The following KCND2 variants were observed in gnomAD, a reference collection of about 807,000 sequenced individuals.
KCND2 encodes A-type voltage-gated potassium channel KCND2.
Under a neutral mutation model 54.4 loss-of-function variants are expected in KCND2, and 16 were observed. That is an observed-to-expected ratio of 0.29 (90% CI 0.20 to 0.45). KCND2 has a LOEUF of 0.45. KCND2 is among the 20% of genes least tolerant of loss of function. KCND2 has a pLI of 1.00. For synonymous variants in KCND2, 317 were observed against 310.7 expected (o/e 1.02, Z -0.21); for missense variants, 486 against 824.2 (o/e 0.59, Z 5.02).
intron 1 of KCND2, among the ~76,000 whole-genome samples, chr7:120,665,161 A>C (rs1220223312): frequency 6.6e-6 from 1 of 152,118 alleles, no homozygotes; most frequent in African/African-American, 2.4e-5. Flanking sequence ...GCAAACAAGT[A>C]GATATTTAAG....
At chr7:120,463,085 G>T (rs1285158441) in intron 1 of KCND2, among the ~76,000 whole-genome samples, 2 of 152,168 alleles carry the variant, frequency 1.3e-5, no homozygotes, top group Non-Finnish European at 1.5e-5. Context: ...ATAGAGATTG[G>T]TGAAGGTAGC....
At chr7:120,280,633 C>G (rs1270869398) in intron 1 of KCND2, among the ~76,000 whole-genome samples, 1 of 151,964 alleles carries the variant, frequency 6.6e-6, no homozygotes, top group Non-Finnish European at 1.5e-5. Context: ...TACCTGATCT[C>G]TACATTCCTA....
At chr7:120,435,138 G>A (rs1276008311) in intron 1 of KCND2, among the ~76,000 whole-genome samples, 1 of 147,630 alleles carries the variant, frequency 6.8e-6, no homozygotes, top group East Asian at 2.0e-4. Context: ...GTCTCATTCT[G>A]CCACCCAGGC....
chr7:120,743,059 T>C (rs1344965766), intron 4 of KCND2, among the ~76,000 whole-genome samples: 1 of 152,152 alleles, frequency 6.6e-6, no homozygotes, highest in African/African-American at 2.4e-5. Flanking sequence ...ACAACCATAA[T>C]GAATAGAGAT....
At chr7:120,577,521 C>T (rs928269507) in intron 1 of KCND2, among the ~76,000 whole-genome samples, 7 of 151,122 alleles carry the variant, frequency 4.6e-5, no homozygotes, top group Non-Finnish European at 8.8e-5. Context: ...ACTAAGTTAA[C>T]TCTGCCTCCC....
At chr7:120,517,108 CTA>C (rs1400778717) in intron 1 of KCND2, among the ~76,000 whole-genome samples, 2 of 152,060 alleles carry the variant, frequency 1.3e-5, no homozygotes. Flanking sequence ...AAATTATTGA[CTA>C]TGCAATTACT....
At chr7:120,540,926 T>C (rs181582231) in intron 1 of KCND2, among the ~76,000 whole-genome samples, 1 of 152,336 alleles carries the variant, frequency 6.6e-6, no homozygotes, top group African/African-American at 2.4e-5. Flanking sequence ...CTTGATAGTT[T>C]CAGATTGACT....
At chr7:120,464,622 AC>A (rs1429772036) in intron 1 of KCND2, among the ~76,000 whole-genome samples, 2 of 152,218 alleles carry the variant, frequency 1.3e-5, no homozygotes, top group Non-Finnish European at 2.9e-5. Context: ...CAGAAAGCTA[AC>A]AAAAATTTTG....
chr7:120,496,914 C>G (rs702414), intron 1 of KCND2, among the ~76,000 whole-genome samples: 43,836 of 152,064 alleles, frequency 0.29, 8,992 homozygotes, highest in African/African-American at 0.56. Flanking sequence ...GTACTACCTA[C>G]TACAATGGCC....
At chr7:120,498,000 A>G (rs530029226) in intron 1 of KCND2, among the ~76,000 whole-genome samples, 1 of 152,216 alleles carries the variant, frequency 6.6e-6, no homozygotes, top group Non-Finnish European at 1.5e-5. Flanking sequence ...AGAGGAAGCA[A>G]CAAGATCTTA....
rs1793263742 is a variant in KCND2 at position 120,633,456 on chromosome 7, G to A, written c.1116-99447G>A. ...GCATTTAGTGGATGGCCAAGAAAAA[G>A]CAATAAACGTTTGAAAGAAAAAGAC... is the stretch of plus-strand genomic sequence containing the variant. On this transcript the variant is annotated intron_variant, in intron 1 of 5. Coordinates refer to ENST00000331113, the MANE Select transcript of KCND2 (RefSeq NM_012281.3). Among the ~76,000 whole-genome samples the A allele has an allele frequency of 2.0e-5, 3 of 152,176 alleles. No homozygotes were observed. In the South Asian group the frequency reaches 6.2e-4, roughly 32 times the overall value.
At chr7:120,746,842 T>C (rs1330442094) in intron 5 of KCND2, 2 of 152,172 alleles carry the variant, frequency 1.3e-5, no homozygotes, top group Admixed American at 6.6e-5. Context: ...GAAGTCTTTG[T>C]TGAAATCTGG....
At chr7:120,597,074 C>T (rs192191480) in intron 1 of KCND2, among the ~76,000 whole-genome samples, 1 of 152,166 alleles carries the variant, frequency 6.6e-6, no homozygotes, top group African/African-American at 2.4e-5. Context: ...TCCTGGGTTA[C>T]AAAGTGGAGT....
intron 1 of KCND2, among the ~76,000 whole-genome samples, chr7:120,410,155 T>C (rs1022623896): frequency 6.6e-6 from 1 of 151,986 alleles, no homozygotes; most frequent in Non-Finnish European, 1.5e-5. Flanking sequence ...CATCTTTTTT[T>C]ATTAAGCATA....
intron 1 of KCND2, among the ~76,000 whole-genome samples, chr7:120,667,184 A>C (rs1170919450): frequency 6.6e-6 from 1 of 152,020 alleles, no homozygotes; most frequent in Non-Finnish European, 1.5e-5. Flanking sequence ...AAAGGGTTTG[A>C]TTTCTTATTT....
At chr7:120,504,111 C>T (rs1364564433) in intron 1 of KCND2, among the ~76,000 whole-genome samples, 2 of 151,886 alleles carry the variant, frequency 1.3e-5, no homozygotes, top group African/African-American at 4.8e-5. Context: ...AAAGCTACAT[C>T]CCAGTAATTA....
At position 120,558,189 on chromosome 7, in the gene KCND2, G is replaced by A. The variant is rs149960524; in HGVS notation, c.1116-174714G>A. The stretch of plus-strand genomic sequence containing the variant: ...AGCTTGAAAATCAACAACAGGATAC[G>A]CCTCCAACCAATTATGATCTGATTC... On this transcript the variant is annotated intron_variant, in intron 1 of 5. Coordinates refer to ENST00000331113, the MANE Select transcript of KCND2 (RefSeq NM_012281.3). 3.9e-3 allele frequency among the ~76,000 whole-genome samples: 598 copies of A among 152,028 alleles called. 3 individuals are homozygous for A. The highest frequency in any genetic ancestry group is 0.013 in the African/African-American group (552 of 41,474).
At chr7:120,500,893 A>T (rs1802921745) in intron 1 of KCND2, among the ~76,000 whole-genome samples, 1 of 151,746 alleles carries the variant, frequency 6.6e-6, no homozygotes, top group Non-Finnish European at 1.5e-5. Context: ...GTCTATGAGT[A>T]AATATTTACT....
At chr7:120,535,339 G>C (rs1297406798) in intron 1 of KCND2, among the ~76,000 whole-genome samples, 1 of 151,912 alleles carries the variant, frequency 6.6e-6, no homozygotes, top group African/African-American at 2.4e-5. Flanking sequence ...TTTCATTACA[G>C]TTTCTGGTTT....
Sources: gnomAD v4.1 joint callset for allele counts (sites outside exome capture counted in the v4.1 genomes callset) on GRCh38, gnomAD v4.1.1 for gene constraint, MANE v1.5 for transcripts, NCBI Gene and HGNC (gene_info 2026-07-23, HGNC 2026-07-21) for gene names.